UBOX5: variants seen among roughly 807,000 people sequenced by gnomAD.
The protein encoded by UBOX5 is U-box domain containing 5.
Under a neutral mutation model 39.0 loss-of-function variants are expected in UBOX5, and 28 were observed. The observed-to-expected ratio is 0.72, with a 90% CI of 0.53 to 0.98. The LOEUF is 0.98. Among genes scored for constraint, UBOX5 ranks in the 50% least tolerant of loss-of-function variants. The probability of loss-of-function intolerance (pLI) is 0.00; values close to 1 mark genes in which losing one functional copy is unlikely to be tolerated. For synonymous variants in UBOX5, 283 were observed against 275.5 expected, an observed-to-expected ratio of 1.03 and a Z score of -0.27; for missense variants, 585 against 674.4, an observed-to-expected ratio of 0.87 and a Z score of 1.47.
At chr20:3,157,468 T>C (rs1427654377) in intron 1 of UBOX5, among the ~76,000 whole-genome samples, 1 of 152,236 alleles carries the variant, frequency 6.6e-6, no homozygotes, top group Non-Finnish European at 1.5e-5. Context: ...TGTGAAACTT[T>C]TTCAGCTACA....
chr20:3,121,396 C>A lies in UBOX5; in HGVS notation c.1243G>T (p.Asp415Tyr). The part of the protein sequence containing the change: ...ATNEPSLTHM[D>Y]CSTGPLSHEQ... ...GATGCTGAATTACCTGTCGAGCAGTCCATATGTGTCAGGCTGGGCTCATTG... is the reference window on the plus strand; with the variant it reads ...GATGCTGAATTACCTGTCGAGCAGTACATATGTGTCAGGCTGGGCTCATTG... The change falls in exon 3 of 5, where the codon GAC becomes TAC. Residue 415 changes from aspartate (D) to tyrosine (Y), a missense_variant. Transcript: ENST00000217173. The A allele has an allele frequency of 6.2e-7, 1 of 1,611,928 alleles. No homozygotes were observed. The highest frequency in any genetic ancestry group is 1.1e-5 in the South Asian group (1 of 90,666).
In UBOX5 at chr20:3,109,037, T is replaced by C. The variant is rs1054313957; in HGVS notation, c.*1069A>G. On this transcript the variant is annotated 3_prime_UTR_variant, in exon 5 of 5. Transcript: ENST00000217173. ...GGCCTAAAGGAAAGGAATGTGCCGG[T>C]TCACAGGGACCCGCGGCTAAGCTCA... The C allele has an allele frequency of 4.6e-5, 7 of 151,690 alleles. No homozygotes were observed. The highest frequency in any genetic ancestry group is 1.7e-4 in the African/African-American group (7 of 41,260). The allele number at this position is 151,690 out of a possible 1,614,324, so 9.4% of individuals were successfully genotyped here.
At chr20:3,154,436 C>T (rs774496975) in intron 1 of UBOX5, among the ~76,000 whole-genome samples, 3 of 152,204 alleles carry the variant, frequency 2.0e-5, no homozygotes, top group Non-Finnish European at 4.4e-5. Flanking sequence ...AATCATAGTA[C>T]TCTGGGAGGC....
At chr20:3,139,237 C>T (rs1304682813) in intron 1 of UBOX5, among the ~76,000 whole-genome samples, 1 of 152,148 alleles carries the variant, frequency 6.6e-6, no homozygotes, top group Non-Finnish European at 1.5e-5. Context: ...AGTTACCCAC[C>T]AGTGAGAGGT....
intron 1 of UBOX5, among the ~76,000 whole-genome samples, chr20:3,130,912 G>T (rs1231707892): frequency 6.6e-6 from 1 of 151,888 alleles, no homozygotes; most frequent in African/African-American, 2.4e-5. Context: ...TAAGACAGTT[G>T]CCATCCTCGT....
Position 3,110,192 on chromosome 20 carries a change from C to G in UBOX5, c.1540G>C (p.Gly514Arg). Residue 514 changes from glycine (G) to arginine (R), a missense_variant, in exon 5 of 5, where the codon GGT (glycine) becomes CGT (arginine). Physicochemically the swap from Gly to Arg is moderately radical, Grantham distance 125 (BLOSUM62 -2). Coordinates refer to ENST00000217173, the MANE Select transcript of UBOX5 (RefSeq NM_014948.4). ...ATGGGCAGGGAGCGTTGCTTCTCAC[C>G]CAGGCAGGGTCGGCACAGGAGGTGG... The part of the protein sequence containing the change: ...CGHLLCRPCL[G>R]EKQRSLPMTC... 3.7e-6 allele frequency: 6 copies of G among 1,613,932 alleles called. No individual in the cohort carries two copies. Among genetic ancestry groups the G allele is most frequent in the Non-Finnish European group, 5.1e-6 (6 of 1,180,014 alleles).
intron 4 of UBOX5, chr20:3,110,805 CT>C (rs1382682355): frequency 1.7e-5 from 3 of 175,028 alleles, no homozygotes; most frequent in African/African-American, 7.2e-5. Context: ...CGAGACCAGC[CT>C]GGGCAACATA....
chr20:3,136,657 A>C (rs1178525531), intron 1 of UBOX5, among the ~76,000 whole-genome samples: 1 of 145,226 alleles, frequency 6.9e-6, no homozygotes, highest in Admixed American at 6.9e-5. Flanking sequence ...GCCCGGCCTT[A>C]ATATTACTAT....
chr20:3,150,348 A>G lies in UBOX5; in HGVS notation c.-42+9418T>C, dbSNP rs886993482. Among the ~76,000 whole-genome samples, 19 of 152,304 alleles carry G rather than the reference A, an allele frequency of 1.2e-4. No homozygotes were observed. The East Asian group carries it at 2.1e-3, about 17-fold the overall frequency. ...TGGGCTCAGGGTTCAGGGAACGCCAATTGACGCAACTGCCCCGCTGACATC... is the reference window on the plus strand; with the variant it reads ...TGGGCTCAGGGTTCAGGGAACGCCAGTTGACGCAACTGCCCCGCTGACATC... On this transcript the variant is annotated intron_variant, in intron 1 of 4. Coordinates refer to ENST00000217173, the MANE Select transcript of UBOX5 (RefSeq NM_014948.4).
intron 1 of UBOX5, among the ~76,000 whole-genome samples, chr20:3,153,788 T>A (rs1461897344): frequency 6.6e-6 from 1 of 152,204 alleles, no homozygotes; most frequent in African/African-American, 2.4e-5. Context: ...AGACCAGAAG[T>A]GTTTCAGATT....
intron 1 of UBOX5, among the ~76,000 whole-genome samples, chr20:3,155,052 C>CAAAAAAAAA (rs11326176): frequency 2.1e-5 from 2 of 96,082 alleles, no homozygotes; most frequent in Admixed American, 1.2e-4. Flanking sequence ...GACACAGTCT[C>CAAAAAAAAA]AAAAAAAAAA....
At chr20:3,146,671 C>G (rs1287064380) in intron 1 of UBOX5, 5 of 1,353,010 alleles carry the variant, frequency 3.7e-6, no homozygotes, top group Non-Finnish European at 5.1e-6. Context: ...CTCCTCAACA[C>G]ACTATTTTAT....
chr20:3,149,304 A>C lies in UBOX5; in HGVS notation c.-42+10462T>G. 1 of 525,748 alleles carries C rather than the reference A, an allele frequency of 1.9e-6. No homozygotes were observed. The highest frequency in any genetic ancestry group is 3.2e-5 in the South Asian group (1 of 30,946). The allele number at this position is 525,748 out of a possible 1,614,324, so 32.6% of individuals were successfully genotyped here. A position where few individuals can be genotyped will look rare whatever the true frequency, so the allele number is the denominator to read the frequency against. On this transcript the variant is annotated intron_variant, in intron 1 of 4. Transcript: ENST00000217173. The surrounding 1 kb of genome is among the most constrained non-coding windows in gnomAD (Gnocchi z 4.1). Reference sequence around the variant, plus strand: ...AAGAATGAGTGGCTTCTACCTATAAAAGCATCCAAATTTACACATTATAAA... The same window carrying C: ...AAGAATGAGTGGCTTCTACCTATAACAGCATCCAAATTTACACATTATAAA...
chr20:3,146,474 C>A, intron 1 of UBOX5: 1 of 253,978 alleles, frequency 3.9e-6, no homozygotes, highest in African/African-American at 2.2e-5. Flanking sequence ...TCTAAAAACT[C>A]TGTGACATAA....
chr20:3,119,880 AG>A (rs2066320915), intron 3 of UBOX5, among the ~76,000 whole-genome samples: 1 of 151,926 alleles, frequency 6.6e-6, no homozygotes, highest in Non-Finnish European at 1.5e-5. Context: ...CATCTATCTC[AG>A]CCTAAGATCC....
chr20:3,121,927 C>A lies in UBOX5; in HGVS notation c.712G>T (p.Asp238Tyr). ...LPMESDCDPG[D>Y]QPESQQAPSS... ...GGAGCCTGCTGGCTCTCAGGCTGGT[C>A]CCCAGGGTCACAGTCACTTTCCATG... The change falls in exon 3 of 5, where the codon GAC becomes TAC. Residue 238 changes from aspartate to tyrosine, a missense_variant. Coordinates refer to ENST00000217173, the MANE Select transcript of UBOX5 (RefSeq NM_014948.4). 6.2e-7 allele frequency: 1 copy of A among 1,613,770 alleles called. No individual in the cohort carries two copies. Among genetic ancestry groups the A allele is most frequent in the Non-Finnish European group, 8.5e-7 (1 of 1,180,034 alleles).
rs914336523 is a variant in UBOX5 at position 3,149,084 on chromosome 20, T to C, written c.-42+10682A>G. On this transcript the variant is annotated intron_variant, in intron 1 of 4. Coordinates refer to ENST00000217173, the MANE Select transcript of UBOX5 (RefSeq NM_014948.4). This position sits in a 1 kb window ranked among gnomAD's most constrained non-coding sequence, Gnocchi z 4.1. ...AGTAGCTGCCATTCTGGTGTCAGTA[T>C]TGATCTCTTTGGCAGTCAGAATACA... 4 of 1,596,236 alleles carry C rather than the reference T, an allele frequency of 2.5e-6. No homozygotes were observed. Among genetic ancestry groups the C allele is most frequent in the East Asian group, 2.2e-5 (1 of 44,762 alleles).
intron 1 of UBOX5, among the ~76,000 whole-genome samples, chr20:3,157,841 C>T (rs997910707): frequency 6.6e-6 from 1 of 152,040 alleles, no homozygotes; most frequent in African/African-American, 2.4e-5. Flanking sequence ...ATTTGCAAGG[C>T]TGTATAGAGG....
chr20:3,127,017 CAA>C (rs1376228568), intron 1 of UBOX5, among the ~76,000 whole-genome samples: 3 of 103,980 alleles, frequency 2.9e-5, no homozygotes, highest in Non-Finnish European at 5.5e-5. Flanking sequence ...GCCTGGGCGA[CAA>C]GAGCAAAACT....
Sources: allele counts gnomAD v4.1 joint callset (sites outside exome capture counted in the v4.1 genomes callset), GRCh38; gene constraint gnomAD v4.1.1; non-coding constraint Gnocchi (gnomAD v3.1); transcripts MANE v1.5; gene names NCBI Gene and HGNC (gene_info 2026-07-23, HGNC 2026-07-21).